Variants in THOP1 observed in about 807,000 individuals in gnomAD.
The protein encoded by THOP1 is thimet oligopeptidase.
THOP1 carries 49 observed loss-of-function variants against 71.8 expected under a neutral mutation model. The ratio of observed to expected loss-of-function variants is 0.68; its 90% CI spans 0.54 to 0.87. THOP1 has a LOEUF of 0.87. Ranked by LOEUF, THOP1 falls within the 40% of genes least tolerant of loss-of-function variation. The probability of loss-of-function intolerance (pLI) is 0.00; values close to 1 mark genes in which losing one functional copy is unlikely to be tolerated. For missense variants in THOP1, 843 were observed against 975.6 expected (o/e 0.86, Z 1.81); for synonymous variants, 426 against 421.5 (o/e 1.01, Z -0.13).
chr19:2,786,702 A>G (rs1915750237), intron 1 of THOP1, among the ~76,000 whole-genome samples: 1 of 150,652 alleles, frequency 6.6e-6, no homozygotes, highest in African/African-American at 2.5e-5. Context: ...CCCGGGTTCA[A>G]GCTATGCTGC....
chr19:2,790,262 C>G (rs1209559760), intron 1 of THOP1, among the ~76,000 whole-genome samples, 159 bp from the exon 2 acceptor site: 7 of 152,160 alleles, frequency 4.6e-5, no homozygotes, highest in African/African-American at 7.2e-5. Context: ...GCCTCCTGCT[C>G]TAGAGGACTG....
intron 2 of THOP1, among the ~76,000 whole-genome samples, chr19:2,792,431 TG>T (rs1277220321): frequency 1.3e-5 from 2 of 151,986 alleles, no homozygotes; most frequent in African/African-American, 4.8e-5. Flanking sequence ...TCCAAAAGTG[TG>T]GGGATTACAG....
chr19:2,810,185 G>A (rs1916420470), intron 9 of THOP1, 119 bp from the exon 10 acceptor site: 8 of 1,291,752 alleles, frequency 6.2e-6, no homozygotes, highest in Non-Finnish European at 8.3e-6. Context: ...GGAGGGCCGG[G>A]CCCAGCGCAT....
Position 2,805,184 on chromosome 19 carries a change from G to C in THOP1, c.750+8G>C, listed in dbSNP as rs1291550026. 1 of 1,608,644 alleles carries C rather than the reference G, an allele frequency of 6.2e-7. No individual in the cohort carries two copies. The highest frequency in any genetic ancestry group is 2.2e-5 in the East Asian group (1 of 44,836). ...AACTGCCGGTGCAAGGAGGTGAGAAGGCACGGCCAGGGGGCCCCAGAACAG... is the reference window on the plus strand; with the variant it reads ...AACTGCCGGTGCAAGGAGGTGAGAACGCACGGCCAGGGGGCCCCAGAACAG... On this transcript the variant is annotated splice_region_variant and intron_variant, in intron 6 of 12. Transcript: ENST00000307741. This position sits in a 1 kb window ranked among gnomAD's most constrained non-coding sequence, Gnocchi z 6.6.
intron 4 of THOP1, 49 bp downstream of exon 4, chr19:2,796,237 GGGGAGTGCTGGGCACA>G: frequency 7.1e-7 from 1 of 1,416,078 alleles, no homozygotes; most frequent in South Asian, 1.2e-5. Flanking sequence ...GGTCGATCCC[GGGGAGTGCTGGGCACA>G]GGGAGTGCTC....
At position 2,794,908 on chromosome 19, in the gene THOP1, T is replaced by A; in HGVS notation, c.374T>A (p.Leu125His). The A allele has an allele frequency of 6.2e-7, 1 of 1,610,606 alleles. No individual in the cohort carries two copies. The change falls in exon 3 of 13, where the codon CTC (leucine) becomes CAC (histidine). Residue 125 changes from leucine to histidine, a missense_variant. Transcript: ENST00000307741. Reference protein sequence around the residue: ...REDVYQRIVWLQEKVQKDSLR... With the variant: ...REDVYQRIVWHQEKVQKDSLR... The stretch of plus-strand genomic sequence containing the variant: ...GACGTGTACCAGAGGATCGTGTGGC[T>A]CCAGGTGAGGGGGCCCTGCGGGGAG...
chr19:2,810,622 T>C lies in THOP1; in HGVS notation c.1643-18T>C, dbSNP rs897659893. The C allele has an allele frequency of 5.7e-5, 89 of 1,547,830 alleles. 1 individual carries two copies. Among genetic ancestry groups the C allele is most frequent in the Non-Finnish European group, 7.8e-5 (89 of 1,145,998 alleles). On this transcript the variant is annotated intron_variant, in intron 10 of 12. Transcript: ENST00000307741. ...GGGGCAGGTGCAGAGGCCAGCTCTC[T>C]CCTTCCCTCCCGCCCAGGCCTCTTC...
At chr19:2,812,863 G>A (rs1229668245) in intron 12 of THOP1, among the ~76,000 whole-genome samples, 2 of 152,248 alleles carry the variant, frequency 1.3e-5, no homozygotes, top group East Asian at 3.8e-4. Flanking sequence ...GGGGCTGATG[G>A]CGGGAGCCAC....
chr19:2,811,535 TCTC>T (rs2144785540), intron 11 of THOP1, 60 bp from the exon 12 acceptor site: 10 of 1,560,884 alleles, frequency 6.4e-6, no homozygotes, highest in East Asian at 2.3e-5. Context: ...CTGGTTGTCT[TCTC>T]CTGGAGGAGG....
Position 2,801,103 on chromosome 19 carries a change from G to T in THOP1, c.589+1312G>T, listed in dbSNP as rs1599525877. On this transcript the variant is annotated intron_variant, in intron 5 of 12. Coordinates refer to ENST00000307741, the MANE Select transcript of THOP1 (RefSeq NM_003249.5). This position sits in a 1 kb window ranked among gnomAD's most constrained non-coding sequence, Gnocchi z 5.1. ...GAGAAGGTGCAGAGGTGGATTCTGG[G>T]ATTAGCAGGTGATTGTTGGAAGGAA... is the stretch of plus-strand genomic sequence containing the variant. Among the ~76,000 whole-genome samples, 1 of 152,338 alleles carries T rather than the reference G, an allele frequency of 6.6e-6. No homozygotes were observed. Among genetic ancestry groups the T allele is most frequent in the African/African-American group, 2.4e-5 (1 of 41,578 alleles).
chr19:2,815,247 G>A lies in THOP1; in HGVS notation c.*1971G>A, dbSNP rs1916575365. ...TGCAAGAGCACCCCAGCTGGGCCCT[G>A]GGCCATCACAGCCTTGTCACACACA... On this transcript the variant is annotated 3_prime_UTR_variant, in exon 13 of 13. Coordinates refer to ENST00000307741, the MANE Select transcript of THOP1 (RefSeq NM_003249.5). The A allele has an allele frequency of 6.6e-6, 1 of 152,276 alleles. No individual in the cohort carries two copies. Among genetic ancestry groups the A allele is most frequent in the Non-Finnish European group, 1.5e-5 (1 of 68,116 alleles). 9.4% of individuals were successfully genotyped at this position (152,276 alleles called of 1,614,324 possible).
chr19:2,792,478 A>G (rs1915908940), intron 2 of THOP1, among the ~76,000 whole-genome samples: 1 of 135,630 alleles, frequency 7.4e-6, no homozygotes, highest in African/African-American at 2.7e-5. Context: ...CCCCCCTCTA[A>G]ACACACGGAG....
intron 8 of THOP1, 180 bp downstream of exon 8, chr19:2,807,988 C>T: frequency 1.2e-6 from 1 of 832,432 alleles, no homozygotes; most frequent in South Asian, 2.0e-5. Flanking sequence ...GTCCCCGTTT[C>T]CAGTCTCACT....
At chr19:2,798,588 T>C (rs946737297) in intron 4 of THOP1, among the ~76,000 whole-genome samples, 2 of 152,348 alleles carry the variant, frequency 1.3e-5, no homozygotes, top group South Asian at 4.1e-4. Flanking sequence ...GGGTTTGTTA[T>C]GTGAGATGGC....
intron 2 of THOP1, among the ~76,000 whole-genome samples, chr19:2,794,305 C>CACCTGGCCTAAAGCTTATGCTTTTCTA: frequency 6.6e-6 from 1 of 152,194 alleles, no homozygotes; most frequent in Non-Finnish European, 1.5e-5. Context: ...TTGGCCACCA[C>CACCTGGCCTAAAGCTTATGCTTTTCTA]ACCTGGCCTA....
intron 5 of THOP1, among the ~76,000 whole-genome samples, chr19:2,802,680 C>T (rs1332665451): frequency 1.3e-5 from 2 of 152,188 alleles, no homozygotes; most frequent in Non-Finnish European, 2.9e-5. Flanking sequence ...AGAGCAGAGA[C>T]CTGTGAGTGT....
At chr19:2,792,217 A>G (rs961469937) in intron 2 of THOP1, among the ~76,000 whole-genome samples, 6 of 151,982 alleles carry the variant, frequency 3.9e-5, no homozygotes, top group Non-Finnish European at 7.4e-5. Flanking sequence ...CAGAGCCCCC[A>G]CTACAGGCTT....
At chr19:2,808,169 C>A in intron 8 of THOP1, 74 bp from the exon 9 acceptor site, 1 of 1,483,178 alleles carries the variant, frequency 6.7e-7, no homozygotes, top group Non-Finnish European at 9.2e-7. Flanking sequence ...GTCAGGTGGG[C>A]TGAGGGATGC....
chr19:2,813,338 C>A lies in THOP1; in HGVS notation c.*62C>A. On this transcript the variant is annotated 3_prime_UTR_variant, in exon 13 of 13. Transcript: ENST00000307741. ...CCCGCCGCCCTGGTGCCTTAGCCCC[C>A]GGCACAGGATGGGGCAGGCTCTGGC... The A allele has an allele frequency of 6.6e-7, 1 of 1,504,344 alleles. No individual in the cohort carries two copies. Among genetic ancestry groups the A allele is most frequent in the Non-Finnish European group, 8.9e-7 (1 of 1,123,988 alleles). 93.2% of individuals were successfully genotyped at this position (1,504,344 alleles called of 1,614,324 possible).
Sources: allele counts gnomAD v4.1 joint callset (sites outside exome capture counted in the v4.1 genomes callset), GRCh38; gene constraint gnomAD v4.1.1; non-coding constraint Gnocchi (gnomAD v3.1); transcripts MANE v1.5; gene names NCBI Gene and HGNC (gene_info 2026-07-23, HGNC 2026-07-21).